PCDHA3: variants seen among roughly 807,000 people sequenced by gnomAD.
PCDHA3 encodes the protein protocadherin alpha-3.
A neutral mutation model predicts 62.2 loss-of-function variants in PCDHA3; 41 were observed. The ratio of observed to expected loss-of-function variants is 0.66; its 90% CI spans 0.51 to 0.86. The LOEUF (loss-of-function observed/expected upper bound fraction) is 0.86, where lower values mean the gene tolerates loss of function less well. Among genes scored for constraint, PCDHA3 ranks in the 40% least tolerant of loss-of-function variants. The pLI, the probability that PCDHA3 is intolerant of heterozygous loss-of-function variation, is 0.00. For synonymous variants in PCDHA3, 640 were observed against 555.4 expected (o/e 1.15, Z -2.14); for missense variants, 1,304 against 1,241.2 (o/e 1.05, Z -0.76).
chr5:140,874,124 TTTAAG>T (rs373641315), intron 1 of PCDHA3, among the ~76,000 whole-genome samples: 322 of 152,384 alleles, frequency 2.1e-3, no homozygotes, highest in African/African-American at 7.5e-3. Context: ...TTATAGTTTA[TTTAAG>T]TTATCTTATA....
At chr5:140,983,034 C>T (rs923296416) in intron 3 of PCDHA3, among the ~76,000 whole-genome samples, 1 of 151,944 alleles carries the variant, frequency 6.6e-6, no homozygotes, top group Non-Finnish European at 1.5e-5. Context: ...GATGGTTTCT[C>T]ATGGAAGTGG....
chr5:140,942,601 G>T (rs562403777), intron 1 of PCDHA3, among the ~76,000 whole-genome samples: 1 of 130,586 alleles, frequency 7.7e-6, no homozygotes, highest in South Asian at 2.4e-4. Flanking sequence ...TAATTATAGT[G>T]TTTATATTTG....
In PCDHA3 at chr5:140,952,512, CATCT is replaced by C. The variant is rs2094757607; in HGVS notation, c.2395-26436_2395-26433del. ...CAGTCCTCAGTAAGTTCCTCATCTC[CATCT>C]GAGACCTCCTCAGACTGGACTTCTT... On this transcript the variant is annotated intron_variant, in intron 1 of 3. Coordinates refer to ENST00000522353, the MANE Select transcript of PCDHA3 (RefSeq NM_018906.3). 2.0e-5 allele frequency among the ~76,000 whole-genome samples: 3 copies of C among 152,242 alleles called. No individual in the cohort carries two copies. The South Asian group carries it at 6.2e-4, about 32-fold the overall frequency.
intron 1 of PCDHA3, among the ~76,000 whole-genome samples, chr5:140,839,991 G>A (rs1554137668): frequency 1.3e-5 from 2 of 152,072 alleles, no homozygotes; most frequent in Admixed American, 1.3e-4. Flanking sequence ...AAAGTGGTTA[G>A]CCTTAGCACT....
intron 1 of PCDHA3, chr5:140,871,378 T>C: frequency 6.2e-7 from 1 of 1,614,188 alleles, no homozygotes; most frequent in South Asian, 1.1e-5. Context: ...GAGGGTGTGC[T>C]CTGAGGAGGG....
Position 140,801,405 on chromosome 5 carries a change from A to G in PCDHA3, c.208A>G (p.Arg70Gly), listed in dbSNP as rs1762701122. 1 of 1,613,620 alleles carries G rather than the reference A, an allele frequency of 6.2e-7. No individual in the cohort carries two copies. The highest frequency in any genetic ancestry group is 1.3e-5 in the African/African-American group (1 of 74,926). The change falls in exon 1 of 4, where the codon AGA (arginine) becomes GGA (glycine). Residue 70 changes from arginine to glycine, a missense_variant. Physicochemically the swap from Arg to Gly is moderately radical, Grantham distance 125 (BLOSUM62 -2). Coordinates refer to ENST00000522353, the MANE Select transcript of PCDHA3 (RefSeq NM_018906.3). Reference sequence around the variant, plus strand: ...GCGCCTGTTCCGGGTGGCGTCCAAAAGACACGGGGACCTTCTGGAGGTAAA... The same window carrying G: ...GCGCCTGTTCCGGGTGGCGTCCAAAGGACACGGGGACCTTCTGGAGGTAAA... Reference protein sequence around the residue: ...VPRLFRVASKRHGDLLEVNLQ... With the variant: ...VPRLFRVASKGHGDLLEVNLQ...
intron 1 of PCDHA3, among the ~76,000 whole-genome samples, chr5:140,914,765 T>A (rs2076829694): frequency 6.6e-6 from 1 of 152,080 alleles, no homozygotes. Flanking sequence ...TTACATGAGG[T>A]TTATGACTTA....
In PCDHA3 at chr5:140,903,563, T is replaced by C. The variant is rs1459855021; in HGVS notation, c.2395-75386T>C. ...CAAGAAACTTTTCTAATAAGTGGAA[T>C]TGGGAGCTGTCTAGCTGGTGTTGGC... On this transcript the variant is annotated intron_variant, in intron 1 of 3. Transcript: ENST00000522353. Among the ~76,000 whole-genome samples the C allele has an allele frequency of 2.6e-5, 4 of 152,208 alleles. No individual in the cohort carries two copies. In the East Asian group the frequency reaches 5.8e-4, roughly 22 times the overall value.
At chr5:140,808,385 A>C (rs534285783) in intron 1 of PCDHA3, 1 of 1,614,148 alleles carries the variant, frequency 6.2e-7, no homozygotes. Context: ...GCTGGTGTCC[A>C]CCTTCAAGAA....
chr5:140,942,669 A>G (rs2093352340), intron 1 of PCDHA3, among the ~76,000 whole-genome samples: 1 of 152,212 alleles, frequency 6.6e-6, no homozygotes, highest in South Asian at 2.1e-4. Flanking sequence ...AATAAGCACA[A>G]AAGTTTTAGG....
intron 1 of PCDHA3, chr5:140,809,586 A>T: frequency 1.3e-6 from 2 of 1,544,518 alleles, no homozygotes; most frequent in African/African-American, 2.8e-5. Context: ...AGTGTATAAC[A>T]TCCTTTTGTT....
At chr5:140,830,141 G>C in intron 1 of PCDHA3, 1 of 1,613,398 alleles carries the variant, frequency 6.2e-7, no homozygotes, top group South Asian at 1.1e-5. Flanking sequence ...ACGGGCGTCG[G>C]TGGGCGCCGC....
intron 1 of PCDHA3, chr5:140,855,964 T>A: frequency 7.1e-7 from 1 of 1,408,442 alleles, no homozygotes; most frequent in Non-Finnish European, 9.6e-7. Context: ...AAAAAATAGA[T>A]ATAAGAAATA....
chr5:140,907,733 A>C (rs2073566986), intron 1 of PCDHA3, among the ~76,000 whole-genome samples: 1 of 152,162 alleles, frequency 6.6e-6, no homozygotes, highest in Non-Finnish European at 1.5e-5. Context: ...CATCCCTGCC[A>C]CCATGGCCAC....
intron 1 of PCDHA3, among the ~76,000 whole-genome samples, chr5:140,892,861 G>A (rs1422724084): frequency 2.6e-5 from 4 of 152,100 alleles, no homozygotes; most frequent in African/African-American, 9.7e-5. Flanking sequence ...TTCCTCCTGT[G>A]TAGCTATAAT....
intron 1 of PCDHA3, chr5:140,841,170 T>G: frequency 1.0e-6 from 1 of 982,276 alleles, no homozygotes; most frequent in Non-Finnish European, 1.5e-6. Context: ...AAGTTCTGGT[T>G]GGTCAATGTT....
At chr5:140,851,915 T>G (rs1554145604) in intron 1 of PCDHA3, 1 of 967,000 alleles carries the variant, frequency 1.0e-6, no homozygotes, top group Non-Finnish European at 1.2e-6. Context: ...TGTCACTACA[T>G]GTTATGTTTC....
At chr5:140,941,214 C>CTTCCTTTCTTTCTTTCTTTCTTT (rs1554214039) in intron 1 of PCDHA3, among the ~76,000 whole-genome samples, 1 of 122,414 alleles carries the variant, frequency 8.2e-6, no homozygotes. Flanking sequence ...TTTCTTTCTT[C>CTTCCTTTCTTTCTTTCTTTCTTT]CTTTCTTTCT....
At chr5:140,807,692 A>G (rs781931129) in intron 1 of PCDHA3, 3 of 1,614,098 alleles carry the variant, frequency 1.9e-6, no homozygotes, top group African/African-American at 1.3e-5. Flanking sequence ...CGCCCTGCTC[A>G]CTTACAGACT....
Sources: gnomAD v4.1 joint callset for allele counts (sites outside exome capture counted in the v4.1 genomes callset) on GRCh38, gnomAD v4.1.1 for gene constraint, MANE v1.5 for transcripts, NCBI Gene and HGNC (gene_info 2026-07-23, HGNC 2026-07-21) for gene names.